HDAC8: variants seen among roughly 807,000 people sequenced by gnomAD.
HDAC8 encodes histone deacetylase-like 1.
In HDAC8, 1 loss-of-function variant was observed where a neutral mutation model predicts 32.2. The ratio of observed to expected loss-of-function variants is 0.03; its 90% CI spans 0.01 to 0.15. HDAC8 has a LOEUF of 0.15. Among genes scored for constraint, HDAC8 ranks in the 10% least tolerant of loss-of-function variants. The pLI is 1.00. For synonymous variants in HDAC8, 108 were observed against 113.9 expected (o/e 0.95, Z 0.33); for missense variants, 117 against 300.0 (o/e 0.39, Z 4.51).
intron 7 of HDAC8, among the ~76,000 whole-genome samples, chrX:72,465,294 T>C (rs2047987731): frequency 8.9e-6 from 1 of 111,854 alleles, no homozygotes; most frequent in East Asian, 2.8e-4. Flanking sequence ...ACCAGGGTAT[T>C]GTAGGGAAGG....
intron 9 of HDAC8, among the ~76,000 whole-genome samples, chrX:72,444,297 G>A (rs1183817207): frequency 7.4e-5 from 8 of 107,971 alleles, no homozygotes; most frequent in Admixed American, 1.0e-4. Context: ...ATAAAATACC[G>A]GCAAACCGAA....
chrX:72,357,530 TGA>T (rs1555951164), intron 9 of HDAC8, among the ~76,000 whole-genome samples: 2 of 110,640 alleles, frequency 1.8e-5, no homozygotes, highest in Admixed American at 9.6e-5. Context: ...GAAATCTTGC[TGA>T]GAGGGTAAAA....
At chrX:72,363,689 A>G (rs570412275) in intron 9 of HDAC8, among the ~76,000 whole-genome samples, 4 of 111,081 alleles carry the variant, frequency 3.6e-5, no homozygotes, top group African/African-American at 1.3e-4. Context: ...CTCCTGCCTC[A>G]GCCTCCCGAG....
At chrX:72,474,005 C>A in intron 7 of HDAC8, 2 of 626,691 alleles carry the variant, frequency 3.2e-6, no homozygotes, top group African/African-American at 2.4e-5. Flanking sequence ...AGCTCAGTCT[C>A]TCCCAACTTT....
At chrX:72,393,541 T>C (rs782375964) in intron 9 of HDAC8, among the ~76,000 whole-genome samples, 2 of 112,187 alleles carry the variant, frequency 1.8e-5, no homozygotes, top group Admixed American at 9.5e-5. Context: ...TAGGTCTCGC[T>C]ACGTCCCTCA....
intron 9 of HDAC8, among the ~76,000 whole-genome samples, chrX:72,443,814 G>A (rs2047266899): frequency 9.2e-6 from 1 of 109,126 alleles, no homozygotes; most frequent in South Asian, 3.9e-4. Flanking sequence ...AGAAAAGAGA[G>A]AAGAATCAAA....
At chrX:72,469,350 A>T (rs2048105640) in intron 7 of HDAC8, among the ~76,000 whole-genome samples, 2 of 110,668 alleles carry the variant, frequency 1.8e-5, no homozygotes, top group South Asian at 7.7e-4. Context: ...GCTAATTTTT[A>T]ATTTTTTTTG....
chrX:72,374,706 TTTATATATGA>T (rs2045000326), intron 9 of HDAC8, among the ~76,000 whole-genome samples: 1 of 111,327 alleles, frequency 9.0e-6, no homozygotes, highest in African/African-American at 3.3e-5. Context: ...ATACAAGTCC[TTTATATATGA>T]TTTGCAAATA....
intron 4 of HDAC8, among the ~76,000 whole-genome samples, chrX:72,520,553 T>C (rs1556028047): frequency 8.9e-6 from 1 of 112,248 alleles, no homozygotes; most frequent in Admixed American, 9.4e-5. Context: ...GAAAGTAAGC[T>C]ACAAATATGA....
intron 4 of HDAC8, among the ~76,000 whole-genome samples, chrX:72,518,893 TC>T (rs782726406): frequency 4.4e-5 from 5 of 112,613 alleles, no homozygotes; most frequent in African/African-American, 1.3e-4. Flanking sequence ...TCCATGTCTT[TC>T]AGGGCTTAAT....
chrX:72,336,599 G>A (rs2043690730), intron 10 of HDAC8, among the ~76,000 whole-genome samples: 1 of 110,500 alleles, frequency 9.0e-6, no homozygotes, highest in South Asian at 3.9e-4. Flanking sequence ...TAAATTTTTT[G>A]TAGAGATGGG....
chrX:72,336,358 A>C (rs993012387), intron 10 of HDAC8, among the ~76,000 whole-genome samples: 1 of 111,948 alleles, frequency 8.9e-6, no homozygotes, highest in Non-Finnish European at 1.9e-5. Context: ...CATTCAGTAC[A>C]CTCCTCAACT....
At chrX:72,572,626 G>C in intron 1 of HDAC8, 25 bp downstream of exon 1, 2 of 317,724 alleles carry the variant, frequency 6.3e-6, no homozygotes, top group Non-Finnish European at 5.0e-6. Context: ...CAAAGCCCAT[G>C]GTCTTTCATC....
At position 72,495,241 on chromosome X, in the gene HDAC8, G is replaced by A; in HGVS notation, c.465C>T (p.Leu155=). The A allele has an allele frequency of 8.3e-7, 1 of 1,204,849 alleles. No homozygotes were observed. Among genetic ancestry groups the A allele is most frequent in the Non-Finnish European group, 1.1e-6 (1 of 890,663 alleles). Residue 155 remains leucine, a synonymous_variant, in exon 5 of 11, where the codon CTC becomes CTT. Coordinates refer to ENST00000373573, the MANE Select transcript of HDAC8 (RefSeq NM_018486.3). ...GTAATATTCCCAGGACAGCATCATTGAGATAACAAAAACCAGATGCTTCAT... is the reference window on the plus strand; with the variant it reads ...GTAATATTCCCAGGACAGCATCATTAAGATAACAAAAACCAGATGCTTCAT... ...KKDEASGFCY[L]NDAVLGILRL... is the part of the protein sequence containing the mutation.
intron 7 of HDAC8, among the ~76,000 whole-genome samples, chrX:72,483,005 C>A (rs182352743): frequency 1.8e-5 from 2 of 111,528 alleles, no homozygotes; most frequent in African/African-American, 6.5e-5. Flanking sequence ...GGTGCAGGAG[C>A]CTCATCTGCC....
At chrX:72,455,682 C>T (rs1159628495) in intron 9 of HDAC8, among the ~76,000 whole-genome samples, 2 of 112,354 alleles carry the variant, frequency 1.8e-5, no homozygotes, top group Non-Finnish European at 3.8e-5. Context: ...CATTCTGCCA[C>T]TGGGAGCATA....
At chrX:72,465,768 C>T (rs1555994190) in intron 7 of HDAC8, among the ~76,000 whole-genome samples, 1 of 111,434 alleles carries the variant, frequency 9.0e-6, no homozygotes, top group African/African-American at 3.3e-5. Context: ...TGCAGCAAGA[C>T]CAGAAAAATC....
intron 7 of HDAC8, chrX:72,474,397 A>T: frequency 1.1e-6 from 1 of 916,326 alleles, no homozygotes. Context: ...AAATGAATAC[A>T]TGAATGAAAT....
intron 9 of HDAC8, among the ~76,000 whole-genome samples, chrX:72,449,970 T>C (rs2047529274): frequency 8.9e-6 from 1 of 112,222 alleles, no homozygotes; most frequent in African/African-American, 3.2e-5. Flanking sequence ...AAAAACTGTA[T>C]ATAAGTGTTT....
Sources: allele counts gnomAD v4.1 joint callset (sites outside exome capture counted in the v4.1 genomes callset), GRCh38; gene constraint gnomAD v4.1.1; transcripts MANE v1.5; gene names NCBI Gene and HGNC (gene_info 2026-07-23, HGNC 2026-07-21).